Variants in CCDC91 observed in about 807,000 individuals in gnomAD.
CCDC91 encodes coiled-coil domain containing 91.
A neutral mutation model predicts 63.2 loss-of-function variants in CCDC91; 48 were observed. The observed-to-expected ratio is 0.76, with a 90% CI of 0.60 to 0.97. The LOEUF (loss-of-function observed/expected upper bound fraction) is 0.97. Among genes scored for constraint, CCDC91 ranks in the 50% least tolerant of loss-of-function variants. The probability of loss-of-function intolerance (pLI) is 0.00; values close to 1 mark genes in which losing one functional copy is unlikely to be tolerated. For synonymous variants in CCDC91, 167 were observed against 165.8 expected (o/e 1.01, Z -0.06); for missense variants, 500 against 494.6 (o/e 1.01, Z -0.10).
At chr12:28,191,184 C>T (rs776617639) in intron 1 of CCDC91, 5 of 152,252 alleles carry the variant, frequency 3.3e-5, no homozygotes, top group Non-Finnish European at 5.9e-5. Flanking sequence ...TCCTTCGTCC[C>T]CGTTAGCACG....
At chr12:28,479,982 A>G (rs540204289) in intron 11 of CCDC91, among the ~76,000 whole-genome samples, 14 of 152,110 alleles carry the variant, frequency 9.2e-5, no homozygotes, top group East Asian at 3.9e-4. Context: ...TCTCCATGCT[A>G]TTATTGGTAG....
intron 12 of CCDC91, among the ~76,000 whole-genome samples, chr12:28,506,734 A>G (rs920664674): frequency 2.0e-5 from 3 of 151,934 alleles, no homozygotes; most frequent in African/African-American, 7.2e-5. Flanking sequence ...AGCTTGTGCA[A>G]GGTCACACCA....
intron 11 of CCDC91, among the ~76,000 whole-genome samples, chr12:28,459,390 A>G (rs1292121092): frequency 3.3e-5 from 5 of 152,154 alleles, no homozygotes; most frequent in Admixed American, 2.6e-4. Context: ...AGATTATAAT[A>G]TATAGGACCA....
chr12:28,284,478 C>A (rs1356600293), intron 3 of CCDC91, among the ~76,000 whole-genome samples: 2 of 151,844 alleles, frequency 1.3e-5, no homozygotes, highest in Non-Finnish European at 2.9e-5. Context: ...CATGAGGAAA[C>A]CCCATCTCTA....
intron 6 of CCDC91, among the ~76,000 whole-genome samples, chr12:28,331,350 G>T (rs1941492697): frequency 2.0e-5 from 3 of 152,282 alleles, no homozygotes; most frequent in East Asian, 3.9e-4. Context: ...CTGTCTTCCT[G>T]ACAGAGGTTC....
chr12:28,498,551 TA>T (rs1198058178), intron 12 of CCDC91, among the ~76,000 whole-genome samples: 13 of 151,670 alleles, frequency 8.6e-5, no homozygotes, highest in Admixed American at 8.6e-4. Context: ...TCAACATCAA[TA>T]GGTGAAAAAG....
intron 11 of CCDC91, among the ~76,000 whole-genome samples, chr12:28,472,825 A>G (rs901100154): frequency 2.6e-5 from 4 of 152,194 alleles, no homozygotes; most frequent in South Asian, 4.1e-4. Flanking sequence ...AGTTAGATGA[A>G]AGTTTCTCAA....
intron 3 of CCDC91, among the ~76,000 whole-genome samples, chr12:28,265,474 C>A (rs1222915695): frequency 7.2e-5 from 11 of 152,062 alleles, no homozygotes; most frequent in Admixed American, 2.0e-4. Context: ...CAGGAAAGTT[C>A]AAACATTTTT....
chr12:28,363,196 T>A (rs1318494073), intron 7 of CCDC91, among the ~76,000 whole-genome samples: 1 of 152,146 alleles, frequency 6.6e-6, no homozygotes, highest in Admixed American at 6.5e-5. Flanking sequence ...TTGTATATTC[T>A]TCTAAGAGAT....
chr12:28,433,810 A>C (rs570944821), intron 8 of CCDC91, among the ~76,000 whole-genome samples: 17 of 152,060 alleles, frequency 1.1e-4, no homozygotes, highest in Admixed American at 7.2e-4. Flanking sequence ...TGACATCTTG[A>C]CAATATTGGA....
At chr12:28,380,140 C>T (rs1409543844) in intron 7 of CCDC91, among the ~76,000 whole-genome samples, 1 of 151,856 alleles carries the variant, frequency 6.6e-6, no homozygotes, top group Non-Finnish European at 1.5e-5. Context: ...CACTTGGACA[C>T]AGGAAGGGGA....
chr12:28,412,967 T>G (rs1947412471), intron 8 of CCDC91: 1 of 270,934 alleles, frequency 3.7e-6, no homozygotes, highest in Non-Finnish European at 7.4e-6. Flanking sequence ...CTTTAAATCC[T>G]TTTTGGCCTG....
intron 7 of CCDC91, among the ~76,000 whole-genome samples, chr12:28,387,620 A>T (rs1049424221): frequency 5.3e-5 from 8 of 151,988 alleles, no homozygotes; most frequent in African/African-American, 9.7e-5. Flanking sequence ...GCTCCCACTT[A>T]TAGATGAGAA....
At chr12:28,465,319 C>T (rs1592749578) in intron 11 of CCDC91, among the ~76,000 whole-genome samples, 1 of 152,216 alleles carries the variant, frequency 6.6e-6, no homozygotes, top group Admixed American at 6.5e-5. Flanking sequence ...ATAGGCTTGG[C>T]CTGCCTTGCC....
intron 12 of CCDC91, among the ~76,000 whole-genome samples, chr12:28,495,878 A>C (rs1177378229): frequency 1.3e-5 from 2 of 151,610 alleles, no homozygotes; most frequent in Non-Finnish European, 3.0e-5. Context: ...GCTATAGTTA[A>C]TAATTTGTTA....
At chr12:28,532,754 G>A (rs192899454) in intron 12 of CCDC91, among the ~76,000 whole-genome samples, 1 of 152,138 alleles carries the variant, frequency 6.6e-6, no homozygotes, top group East Asian at 1.9e-4. Context: ...TTAAATATAT[G>A]TGAGGGTCAT....
intron 8 of CCDC91, among the ~76,000 whole-genome samples, chr12:28,422,207 A>G (rs1948057260): frequency 6.6e-6 from 1 of 152,158 alleles, no homozygotes; most frequent in Admixed American, 6.6e-5. Context: ...TACCAAAATC[A>G]ATCACATCAA....
chr12:28,350,699 C>T (rs887039397), intron 6 of CCDC91, among the ~76,000 whole-genome samples: 1 of 152,174 alleles, frequency 6.6e-6, no homozygotes, highest in African/African-American at 2.4e-5. Context: ...GCCACACTCC[C>T]TCTGAACTCT....
In CCDC91 at chr12:28,549,171, TAAA is replaced by T; in HGVS notation, c.*1_*3del. The T allele has an allele frequency of 6.3e-7, 1 of 1,577,094 alleles. No homozygotes were observed. The highest frequency in any genetic ancestry group is 8.7e-7 in the Non-Finnish European group (1 of 1,146,918). On this transcript the variant is annotated stop_retained_variant and 3_prime_UTR_variant, in exon 13 of 13. Coordinates refer to ENST00000536442, the MANE Select transcript of CCDC91 (RefSeq NM_018318.5). ...AGCTACGGAACCAGTTGACATTGAA[TAAA>T]AAGAACATGACAAACCCACACTGGC... is the stretch of plus-strand genomic sequence containing the variant.
Sources: allele counts gnomAD v4.1 joint callset (sites outside exome capture counted in the v4.1 genomes callset), GRCh38; gene constraint gnomAD v4.1.1; transcripts MANE v1.5; gene names NCBI Gene and HGNC (gene_info 2026-07-23, HGNC 2026-07-21).